The following PDGFRL variants were observed in gnomAD, a reference collection of about 807,000 sequenced individuals.
PDGFRL encodes the protein platelet-derived growth factor receptor-like protein.
Under a neutral mutation model 37.2 loss-of-function variants are expected in PDGFRL, and 46 were observed. That is an observed-to-expected ratio of 1.24 (90% confidence interval 0.98 to 1.58). The LOEUF (loss-of-function observed/expected upper bound fraction) is 1.58. PDGFRL is among the 40% of genes most tolerant of loss of function. The probability of loss-of-function intolerance (pLI) is 0.00; values close to 1 mark genes in which losing one functional copy is unlikely to be tolerated. For missense variants in PDGFRL, 692 were observed against 467.6 expected, an observed-to-expected ratio of 1.48 and a Z score of -4.43; for synonymous variants, 251 against 184.3, an observed-to-expected ratio of 1.36 and a Z score of -2.93.
At chr8:17,624,618 C>T (rs1461985116) in intron 3 of PDGFRL, among the ~76,000 whole-genome samples, 9 of 152,138 alleles carry the variant, frequency 5.9e-5, no homozygotes, top group East Asian at 1.9e-4. Flanking sequence ...TTAATAAGTA[C>T]TTTCCTGGCT....
intron 5 of PDGFRL, among the ~76,000 whole-genome samples, chr8:17,635,375 G>C (rs1033224279): frequency 1.3e-5 from 2 of 150,780 alleles, no homozygotes; most frequent in Non-Finnish European, 2.9e-5. Flanking sequence ...TTAACAGTAA[G>C]AACATACCAT....
chr8:17,631,857 T>C (rs995157191), intron 4 of PDGFRL, among the ~76,000 whole-genome samples: 1 of 152,238 alleles, frequency 6.6e-6, no homozygotes, highest in Non-Finnish European at 1.5e-5. Flanking sequence ...TTTGAAATGC[T>C]GGTGCTCCCC....
chr8:17,601,842 A>G (rs866174064), intron 2 of PDGFRL, among the ~76,000 whole-genome samples: 2 of 152,094 alleles, frequency 1.3e-5, no homozygotes, highest in Non-Finnish European at 2.9e-5. Context: ...GTGTGTATGT[A>G]CCACATTTTC....
At chr8:17,616,143 G>T (rs1804520460) in intron 2 of PDGFRL, among the ~76,000 whole-genome samples, 1 of 151,748 alleles carries the variant, frequency 6.6e-6, no homozygotes, top group South Asian at 2.1e-4. Context: ...GGGTTCCAAA[G>T]TCCATGATTT....
upstream of PDGFRL, chr8:17,577,024 A>C: frequency 1.7e-6 from 1 of 595,902 alleles, no homozygotes. Context: ...CGCTGGGAAG[A>C]AGTGCTGCGC....
At chr8:17,593,735 A>G (rs1414722491) in intron 2 of PDGFRL, among the ~76,000 whole-genome samples, 1 of 152,104 alleles carries the variant, frequency 6.6e-6, no homozygotes, top group Non-Finnish European at 1.5e-5. Flanking sequence ...TCTCTACTAA[A>G]AATACAAAAT....
At chr8:17,610,735 A>T (rs1317762825) in intron 2 of PDGFRL, among the ~76,000 whole-genome samples, 1 of 151,894 alleles carries the variant, frequency 6.6e-6, no homozygotes, top group East Asian at 1.9e-4. Flanking sequence ...GTATGGTGAA[A>T]CCCCGTCACT....
chr8:17,628,350 AT>A, intron 3 of PDGFRL, 136 bp from the exon 4 acceptor site: 4 of 661,684 alleles, frequency 6.0e-6, no homozygotes, highest in Non-Finnish European at 2.7e-6. Context: ...AATGAAAAGC[AT>A]TAAAGTAAAA....
At position 17,638,765 on chromosome 8, in the gene PDGFRL, ATATATATATATATATATATAT is replaced by A. The variant is rs1164317539; in HGVS notation, c.940-3847_940-3827del. On this transcript the variant is annotated intron_variant, in intron 5 of 5. Coordinates refer to ENST00000251630, the MANE Select transcript of PDGFRL (RefSeq NM_001372073.1). ...TATATATATATATATATATATATAT[ATATATATATATATATATATAT>A]AATTGTGATATTTTCCTGTTGGGCA... 6.9e-3 allele frequency among the ~76,000 whole-genome samples: 818 copies of A among 117,920 alleles called. 23 individuals carry two copies. The highest frequency in any genetic ancestry group is 0.029 in the African/African-American group (779 of 26,946). The allele number at this position is 117,920 out of a possible 152,430, so 77.4% of individuals were successfully genotyped here.
At chr8:17,639,875 C>G (rs1563533137) in intron 5 of PDGFRL, among the ~76,000 whole-genome samples, 1 of 152,164 alleles carries the variant, frequency 6.6e-6, no homozygotes. Flanking sequence ...ATATGTCTTT[C>G]AAACTTTTAG....
chr8:17,641,934 G>A (rs1007568492), intron 5 of PDGFRL, among the ~76,000 whole-genome samples: 1 of 111,740 alleles, frequency 8.9e-6, no homozygotes, highest in Non-Finnish European at 1.7e-5. Context: ...ATGAGAAAAG[G>A]TATTCACTTA....
In PDGFRL at chr8:17,638,425, G is replaced by T. The variant is rs144662392; in HGVS notation, c.940-4188G>T. Among the ~76,000 whole-genome samples the T allele has an allele frequency of 6.9e-3, 1,044 of 151,922 alleles. 11 individuals are homozygous for T. Among genetic ancestry groups the T allele is most frequent in the African/African-American group, 0.024 (991 of 41,428 alleles). ...TGAGAGAGTACTTGATATAATTTCA[G>T]TTTTCTTAAATTTATTGAAACTTGT... On this transcript the variant is annotated intron_variant, in intron 5 of 5. Coordinates refer to ENST00000251630, the MANE Select transcript of PDGFRL (RefSeq NM_001372073.1).
intron 2 of PDGFRL, among the ~76,000 whole-genome samples, chr8:17,620,381 G>T (rs1172621230): frequency 2.0e-5 from 3 of 152,122 alleles, no homozygotes; most frequent in East Asian, 1.9e-4. Flanking sequence ...TTTAGTGATA[G>T]ATTTTGCTTT....
In PDGFRL at chr8:17,621,445, G is replaced by A. The variant is rs552265367; in HGVS notation, c.505+243G>A. 6.0e-5 allele frequency among the ~76,000 whole-genome samples: 9 copies of A among 151,036 alleles called. No individual in the cohort carries two copies. In the South Asian group the frequency reaches 1.7e-3, roughly 28 times the overall value. ...AGATGGGAAAGTTGAGGTTTAGAGT[G>A]ATTAAATAAGTCCTTAAGGTCACAC... On this transcript the variant is annotated intron_variant, in intron 3 of 5. Transcript: ENST00000251630.
chr8:17,603,638 T>C (rs956328129), intron 2 of PDGFRL, among the ~76,000 whole-genome samples: 3 of 152,182 alleles, frequency 2.0e-5, no homozygotes, highest in African/African-American at 7.2e-5. Flanking sequence ...CCCACTGTTT[T>C]ATCATAAGCA....
chr8:17,587,644 AGTCTCG>A (rs1183803070), intron 1 of PDGFRL, among the ~76,000 whole-genome samples: 1 of 151,946 alleles, frequency 6.6e-6, no homozygotes, highest in Non-Finnish European at 1.5e-5. Context: ...TGTGGGCTCA[AGTCTCG>A]GTCTCAGTCT....
At chr8:17,621,941 G>A (rs959763971) in intron 3 of PDGFRL, among the ~76,000 whole-genome samples, 2 of 152,162 alleles carry the variant, frequency 1.3e-5, no homozygotes, top group Admixed American at 1.3e-4. Flanking sequence ...CCAAATTGCT[G>A]TAGTTACAGG....
chr8:17,605,820 G>A (rs182276981), intron 2 of PDGFRL, among the ~76,000 whole-genome samples: 116 of 152,290 alleles, frequency 7.6e-4, no homozygotes, highest in Non-Finnish European at 6.9e-4. Context: ...TCAAAAACTG[G>A]GAGTTGGGAG....
chr8:17,610,952 T>C (rs1174831956), intron 2 of PDGFRL, among the ~76,000 whole-genome samples: 1 of 152,238 alleles, frequency 6.6e-6, no homozygotes, highest in Non-Finnish European at 1.5e-5. Context: ...GTTATTTCCA[T>C]GCATTTCTCT....
Sources: gnomAD v4.1 joint callset for allele counts (sites outside exome capture counted in the v4.1 genomes callset) on GRCh38, gnomAD v4.1.1 for gene constraint, MANE v1.5 for transcripts, NCBI Gene and HGNC (gene_info 2026-07-23, HGNC 2026-07-21) for gene names.